Variants in KCNJ12 observed in about 807,000 individuals in gnomAD.
KCNJ12 encodes the protein ATP-sensitive inward rectifier potassium channel 12.
Under a neutral mutation model 22.3 loss-of-function variants are expected in KCNJ12, and 2 were observed. That is an observed-to-expected ratio of 0.09 (90% CI 0.04 to 0.28). The LOEUF (loss-of-function observed/expected upper bound fraction) is 0.28, where lower values mean the gene tolerates loss of function less well. Ranked by LOEUF, KCNJ12 falls within the 10% of genes least tolerant of loss-of-function variation. KCNJ12 has a pLI of 1.00. For synonymous variants in KCNJ12, 117 were observed against 261.4 expected, an observed-to-expected ratio of 0.45 and a Z score of 5.33; for missense variants, 155 against 633.3, an observed-to-expected ratio of 0.24 and a Z score of 8.11.
chr17:21,392,392 C>T lies in KCNJ12; in HGVS notation c.-179+15479C>T, dbSNP rs537041698. On this transcript the variant is annotated intron_variant, in intron 1 of 2. Coordinates refer to ENST00000583088, the MANE Select transcript of KCNJ12 (RefSeq NM_021012.5). ...CCGAGGGAAGGACGAGTCTGGCCAC[C>T]GCAGCAAGGAGCAAAGGCAGACAAG... Among the ~76,000 whole-genome samples the T allele has an allele frequency of 6.6e-5, 10 of 152,344 alleles. No individual in the cohort carries two copies. In the South Asian group the frequency reaches 8.3e-4, roughly 13 times the overall value.
chr17:21,395,600 A>G (rs1457623609), intron 1 of KCNJ12, among the ~76,000 whole-genome samples: 2 of 149,990 alleles, frequency 1.3e-5, no homozygotes, highest in Non-Finnish European at 3.0e-5. Context: ...AAAAAGAAAG[A>G]AAAAAGAAAA....
intron 1 of KCNJ12, among the ~76,000 whole-genome samples, chr17:21,395,810 C>T (rs1905344611): frequency 2.0e-5 from 3 of 152,156 alleles, no homozygotes; most frequent in South Asian, 4.1e-4. Flanking sequence ...TGGCAGAGGT[C>T]AGGTAGAGGT....
At chr17:21,410,288 TC>T (rs1906246621) in intron 2 of KCNJ12, among the ~76,000 whole-genome samples, 1 of 152,212 alleles carries the variant, frequency 6.6e-6, no homozygotes, top group Non-Finnish European at 1.5e-5. Context: ...GGGCACCGGC[TC>T]AGAGCCTCAG....
intron 1 of KCNJ12, among the ~76,000 whole-genome samples, chr17:21,399,243 C>T (rs1160303147): frequency 1.3e-5 from 2 of 152,206 alleles, no homozygotes; most frequent in Non-Finnish European, 2.9e-5. Context: ...AGATGCTGGC[C>T]GATCATGTGG....
At chr17:21,377,151 A>C (rs182908908) in intron 1 of KCNJ12, among the ~76,000 whole-genome samples, 382 of 152,246 alleles carry the variant, frequency 2.5e-3, no homozygotes, top group African/African-American at 8.4e-3. Flanking sequence ...CTACCACCAC[A>C]AGGAACTTTG....
At chr17:21,411,070 C>T (rs1297278187) in intron 2 of KCNJ12, among the ~76,000 whole-genome samples, 956 of 152,004 alleles carry the variant, frequency 6.3e-3, no homozygotes, top group African/African-American at 0.022. Context: ...GGCGCCTGCA[C>T]TCTCCCTTCC....
chr17:21,382,906 G>A (rs1904924875), intron 1 of KCNJ12, among the ~76,000 whole-genome samples: 1 of 152,214 alleles, frequency 6.6e-6, no homozygotes, highest in Non-Finnish European at 1.5e-5. Flanking sequence ...GTGTACAGGA[G>A]GGTGCGACGT....
chr17:21,404,741 C>T (rs1191375713), intron 1 of KCNJ12, among the ~76,000 whole-genome samples: 6 of 152,244 alleles, frequency 3.9e-5, no homozygotes, highest in Non-Finnish European at 8.8e-5. Flanking sequence ...GGGCCTGGGG[C>T]CAAGGACACC....
intron 2 of KCNJ12, among the ~76,000 whole-genome samples, chr17:21,413,461 G>A (rs1308616396): frequency 6.7e-6 from 1 of 150,078 alleles, no homozygotes; most frequent in African/African-American, 2.4e-5. Flanking sequence ...GCTTTGTCTA[G>A]CTCTGAGGTT....
At chr17:21,394,142 C>T (rs1905276066) in intron 1 of KCNJ12, among the ~76,000 whole-genome samples, 1 of 151,866 alleles carries the variant, frequency 6.6e-6, no homozygotes, top group Non-Finnish European at 1.5e-5. Flanking sequence ...AATGACATTT[C>T]AGTCAGTGAT....
intron 1 of KCNJ12, among the ~76,000 whole-genome samples, chr17:21,384,770 G>GTT (rs200586129): frequency 1.1e-4 from 14 of 128,674 alleles, no homozygotes; most frequent in African/African-American, 2.8e-4. Flanking sequence ...TTGTTTGTTT[G>GTT]TTTTTTTTTT....
intron 1 of KCNJ12, among the ~76,000 whole-genome samples, chr17:21,404,026 G>T (rs4994062): frequency 6.6e-6 from 1 of 152,176 alleles, no homozygotes; most frequent in Non-Finnish European, 1.5e-5. Flanking sequence ...GTGATGCCTC[G>T]GCCTCTGTGC....
At chr17:21,395,698 T>C (rs1905339667) in intron 1 of KCNJ12, among the ~76,000 whole-genome samples, 2 of 152,100 alleles carry the variant, frequency 1.3e-5, no homozygotes, top group Non-Finnish European at 2.9e-5. Flanking sequence ...TATGAAGTCA[T>C]TAATCCTCAT....
At chr17:21,403,025 C>G (rs1332182233) in intron 1 of KCNJ12, among the ~76,000 whole-genome samples, 1 of 152,306 alleles carries the variant, frequency 6.6e-6, no homozygotes, top group Non-Finnish European at 1.5e-5. Context: ...TGAGCAGAAG[C>G]CAAGTACTGG....
chr17:21,417,369 G>C lies in KCNJ12; in HGVS notation c.*725G>C, dbSNP rs78556043. On this transcript the variant is annotated 3_prime_UTR_variant, in exon 3 of 3. Transcript: ENST00000583088. Reference sequence around the variant, plus strand: ...ATCGTAATAAAAGCTTTCTACTGTCGTTGGGGTGGTGGGTGGGGCTGGGAA... The same window carrying C: ...ATCGTAATAAAAGCTTTCTACTGTCCTTGGGGTGGTGGGTGGGGCTGGGAA... The C allele has an allele frequency of 3.6e-5, 6 of 166,776 alleles. No homozygotes were observed. Among genetic ancestry groups the C allele is most frequent in the Non-Finnish European group, 1.5e-5 (1 of 68,070 alleles). The allele number at this position is 166,776 out of a possible 1,614,324, so 10.3% of individuals were successfully genotyped here. A position where few individuals can be genotyped will look rare whatever the true frequency, so the allele number is the denominator to read the frequency against.
At chr17:21,407,629 C>T (rs1367389930) in intron 1 of KCNJ12, among the ~76,000 whole-genome samples, 2 of 145,108 alleles carry the variant, frequency 1.4e-5, no homozygotes, top group East Asian at 4.4e-4. Context: ...CCACCTATCC[C>T]TCCATTCATT....
In KCNJ12 at chr17:21,376,979, C is replaced by T. The variant is rs373243315; in HGVS notation, c.-179+66C>T. On this transcript the variant is annotated intron_variant, in intron 1 of 2. Coordinates refer to ENST00000583088, the MANE Select transcript of KCNJ12 (RefSeq NM_021012.5). The surrounding 1 kb of genome is among the most constrained non-coding windows in gnomAD (Gnocchi z 5.3). ...GGCCCCAGTTCCCCGCAGGCCGCGCCTCGCCACTAGCCCGGCCCGGAGCTA... is the reference window on the plus strand; with the variant it reads ...GGCCCCAGTTCCCCGCAGGCCGCGCTTCGCCACTAGCCCGGCCCGGAGCTA... 1 of 152,130 alleles carries T rather than the reference C, an allele frequency of 6.6e-6. No individual in the cohort carries two copies. Among genetic ancestry groups the T allele is most frequent in the Non-Finnish European group, 1.5e-5 (1 of 67,982 alleles). The allele number at this position is 152,130 out of a possible 1,614,324, so 9.4% of individuals were successfully genotyped here.
At chr17:21,414,990 T>TGGG (rs1567707119) in intron 2 of KCNJ12, among the ~76,000 whole-genome samples, 1 of 152,292 alleles carries the variant, frequency 6.6e-6, no homozygotes. Context: ...CAGGCACTGT[T>TGGG]AGATTCAGGC....
At chr17:21,401,389 C>T (rs1309190311) in intron 1 of KCNJ12, among the ~76,000 whole-genome samples, 2 of 152,260 alleles carry the variant, frequency 1.3e-5, no homozygotes, top group Non-Finnish European at 2.9e-5. Flanking sequence ...TTCCCATCAC[C>T]CCCAGGCTCG....
Sources: gnomAD v4.1 joint callset for allele counts (sites outside exome capture counted in the v4.1 genomes callset) on GRCh38, gnomAD v4.1.1 for gene constraint, Gnocchi (gnomAD v3.1) non-coding constraint, MANE v1.5 for transcripts, NCBI Gene and HGNC (gene_info 2026-07-23, HGNC 2026-07-21) for gene names.